UBE2J1: variants seen among roughly 807,000 people sequenced by gnomAD.
UBE2J1 encodes the protein ubiquitin-conjugating enzyme E2 J1.
A neutral mutation model predicts 42.1 loss-of-function variants in UBE2J1; 17 were observed. The ratio of observed to expected loss-of-function variants is 0.40; its 90% CI spans 0.28 to 0.61. The LOEUF (loss-of-function observed/expected upper bound fraction) is 0.61. Among genes scored for constraint, UBE2J1 ranks in the 20% least tolerant of loss-of-function variants. The probability of loss-of-function intolerance (pLI) is 0.38; values close to 1 mark genes in which losing one functional copy is unlikely to be tolerated. For synonymous variants in UBE2J1, 127 were observed against 137.2 expected, an observed-to-expected ratio of 0.93 and a Z score of 0.52; for missense variants, 291 against 389.4, an observed-to-expected ratio of 0.75 and a Z score of 2.13.
At chr6:89,346,067 T>G (rs1768358813) in intron 1 of UBE2J1, among the ~76,000 whole-genome samples, 1 of 152,036 alleles carries the variant, frequency 6.6e-6, no homozygotes, top group Admixed American at 6.6e-5. Flanking sequence ...ATTTTTAAAT[T>G]TTTTGTAGAG....
intron 3 of UBE2J1, among the ~76,000 whole-genome samples, chr6:89,338,814 T>C (rs7749683): frequency 0.94 from 142,691 of 151,560 alleles, 67,271 homozygotes; most frequent in East Asian, 1. Flanking sequence ...TACAGGCGCC[T>C]GCCACCAGGC....
chr6:89,351,334 G>C (rs1441925772), intron 1 of UBE2J1, among the ~76,000 whole-genome samples: 2 of 151,830 alleles, frequency 1.3e-5, no homozygotes, highest in Non-Finnish European at 2.9e-5. Flanking sequence ...CAAAGTGCTG[G>C]GATTACAAGC....
chr6:89,344,512 T>C (rs1205597555), intron 1 of UBE2J1, among the ~76,000 whole-genome samples: 1 of 152,168 alleles, frequency 6.6e-6, no homozygotes, highest in African/African-American at 2.4e-5. Flanking sequence ...TCTTGTACAC[T>C]CCCTTAATAA....
chr6:89,352,518 AG>A lies in UBE2J1; in HGVS notation c.31+20del. On this transcript the variant is annotated intron_variant, in intron 1 of 7. Coordinates refer to ENST00000435041, the MANE Select transcript of UBE2J1 (RefSeq NM_016021.3). ...CAGGGTCACTCCGCCCTCCTCGCCC[AG>A]GGGCCCCAGCCCTGCTCACCCGGAC... 2 of 1,564,688 alleles carry A rather than the reference AG, an allele frequency of 1.3e-6. No individual in the cohort carries two copies. The highest frequency in any genetic ancestry group is 1.4e-5 in the African/African-American group (1 of 71,034).
chr6:89,334,050 C>T (rs1258230909), intron 6 of UBE2J1, among the ~76,000 whole-genome samples: 1 of 152,214 alleles, frequency 6.6e-6, no homozygotes, highest in African/African-American at 2.4e-5. Context: ...GTCACCCAGG[C>T]TGGAGTGCAG....
rs1768087168 is a variant in UBE2J1 at position 89,335,340 on chromosome 6, G to C, written c.520C>G (p.Gln174Glu). ...KSGSDSSQAD[Q>E]EAKELARQIS... is the part of the protein sequence containing the mutation. Reference sequence around the variant, plus strand: ...TGCCTAGCCAGTTCTTTGGCTTCTTGGTCAGCTTGGCTTGAATCGCTTCCA... The same window carrying C: ...TGCCTAGCCAGTTCTTTGGCTTCTTCGTCAGCTTGGCTTGAATCGCTTCCA... The change falls in exon 6 of 8, where the codon CAA (glutamine) becomes GAA (glutamate). Residue 174 changes from glutamine to glutamate, a missense_variant. Coordinates refer to ENST00000435041, the MANE Select transcript of UBE2J1 (RefSeq NM_016021.3). 2 of 1,607,314 alleles carry C rather than the reference G, an allele frequency of 1.2e-6. No homozygotes were observed. Among genetic ancestry groups the C allele is most frequent in the African/African-American group, 1.3e-5 (1 of 74,830 alleles).
chr6:89,347,311 T>C (rs1768381861), intron 1 of UBE2J1, among the ~76,000 whole-genome samples: 2 of 152,226 alleles, frequency 1.3e-5, no homozygotes, highest in Non-Finnish European at 2.9e-5. Flanking sequence ...GTTATGAAGT[T>C]AATTAGTTTG....
chr6:89,342,082 T>G (rs902766319), intron 3 of UBE2J1, among the ~76,000 whole-genome samples: 1 of 152,180 alleles, frequency 6.6e-6, no homozygotes, highest in African/African-American at 2.4e-5. Context: ...ATATATTAAT[T>G]CATTGAATCC....
intron 7 of UBE2J1, among the ~76,000 whole-genome samples, chr6:89,330,198 A>G (rs995086443): frequency 6.6e-6 from 1 of 152,206 alleles, no homozygotes; most frequent in African/African-American, 2.4e-5. Flanking sequence ...TTAGAAAAAC[A>G]ATCCCTTAAA....
chr6:89,333,524 T>G (rs901409247), intron 6 of UBE2J1, among the ~76,000 whole-genome samples: 5 of 152,226 alleles, frequency 3.3e-5, no homozygotes, highest in Non-Finnish European at 7.3e-5. Context: ...AAGCCTGATA[T>G]GAGCTGATGT....
intron 1 of UBE2J1, among the ~76,000 whole-genome samples, chr6:89,352,186 A>G (rs1768496579): frequency 6.6e-6 from 1 of 152,222 alleles, no homozygotes; most frequent in Admixed American, 6.5e-5. Context: ...CAGGGAGGGA[A>G]TAGCGACCAG....
At chr6:89,347,687 A>AT (rs139559255) in intron 1 of UBE2J1, among the ~76,000 whole-genome samples, 4,727 of 151,922 alleles carry the variant, frequency 0.031, 267 homozygotes, top group African/African-American at 0.11. Context: ...TCCATAAGCT[A>AT]TTTTTTTTGC....
At chr6:89,337,937 G>C (rs1036579837) in intron 5 of UBE2J1, among the ~76,000 whole-genome samples, 2 of 152,098 alleles carry the variant, frequency 1.3e-5, no homozygotes, top group East Asian at 3.9e-4. Context: ...TTTTCCAGGA[G>C]AATATATCTC....
In UBE2J1 at chr6:89,329,092, A is replaced by T. The variant is rs1275778286; in HGVS notation, c.*587T>A. 1 of 152,970 alleles carries T rather than the reference A, an allele frequency of 6.5e-6. No homozygotes were observed. Among genetic ancestry groups the T allele is most frequent in the Non-Finnish European group, 1.5e-5 (1 of 68,680 alleles). The allele number at this position is 152,970 out of a possible 1,614,324, so 9.5% of individuals were successfully genotyped here. Reference sequence around the variant, plus strand: ...CTTCAAGTAGCATCCAGTGACAAAGATGTGATCTCATTTCCTCATAAATGT... The same window carrying T: ...CTTCAAGTAGCATCCAGTGACAAAGTTGTGATCTCATTTCCTCATAAATGT... On this transcript the variant is annotated 3_prime_UTR_variant, in exon 8 of 8. Coordinates refer to ENST00000435041, the MANE Select transcript of UBE2J1 (RefSeq NM_016021.3).
At chr6:89,341,310 C>G (rs1227045620) in intron 3 of UBE2J1, among the ~76,000 whole-genome samples, 1 of 152,168 alleles carries the variant, frequency 6.6e-6, no homozygotes, top group Non-Finnish European at 1.5e-5. Flanking sequence ...AAAATAGGCA[C>G]AGCTTAAAGT....
At chr6:89,348,369 G>A (rs940179346) in intron 1 of UBE2J1, among the ~76,000 whole-genome samples, 3 of 152,156 alleles carry the variant, frequency 2.0e-5, no homozygotes, top group East Asian at 1.9e-4. Context: ...TCACATTGGG[G>A]TTTGTATACA....
At chr6:89,330,481 C>T (rs1313252592) in intron 7 of UBE2J1, among the ~76,000 whole-genome samples, 1 of 151,680 alleles carries the variant, frequency 6.6e-6, no homozygotes, top group Non-Finnish European at 1.5e-5. Context: ...ATATCACTAA[C>T]TAAAAATTAA....
chr6:89,351,995 T>C (rs1221123522), intron 1 of UBE2J1, among the ~76,000 whole-genome samples: 1 of 152,210 alleles, frequency 6.6e-6, no homozygotes, highest in Non-Finnish European at 1.5e-5. Context: ...GGTGTTTTTT[T>C]GTTGTTGTTT....
At chr6:89,331,227 T>C (rs747502163) in intron 7 of UBE2J1, among the ~76,000 whole-genome samples, 16 of 152,226 alleles carry the variant, frequency 1.1e-4, no homozygotes, top group Non-Finnish European at 2.2e-4. Flanking sequence ...TCAGTTACTT[T>C]CATAGTGGTC....
Sources: allele counts gnomAD v4.1 joint callset (sites outside exome capture counted in the v4.1 genomes callset), GRCh38; gene constraint gnomAD v4.1.1; transcripts MANE v1.5; gene names NCBI Gene and HGNC (gene_info 2026-07-23, HGNC 2026-07-21).